Variants in NEO1 observed in about 807,000 individuals in gnomAD.
NEO1 encodes neogenin 1.
A neutral mutation model predicts 159.7 loss-of-function variants in NEO1; 63 were observed. The observed-to-expected ratio is 0.39, with a 90% confidence interval of 0.32 to 0.49. The LOEUF (loss-of-function observed/expected upper bound fraction) is 0.49. Among genes scored for constraint, NEO1 ranks in the 20% least tolerant of loss-of-function variants. The probability of loss-of-function intolerance (pLI) is 0.85; values close to 1 mark genes in which losing one functional copy is unlikely to be tolerated. For missense variants in NEO1, 1,615 were observed against 1,831.0 expected, an observed-to-expected ratio of 0.88 and a Z score of 2.15; for synonymous variants, 633 against 662.0, an observed-to-expected ratio of 0.96 and a Z score of 0.67.
intron 7 of NEO1, among the ~76,000 whole-genome samples, chr15:73,191,903 CT>C (rs2036255840): frequency 6.6e-6 from 1 of 151,972 alleles, no homozygotes; most frequent in African/African-American, 2.4e-5. Context: ...AACAAACATT[CT>C]GTGTATTTGT....
chr15:73,176,918 A>G (rs1790673062), intron 6 of NEO1, among the ~76,000 whole-genome samples: 2 of 152,176 alleles, frequency 1.3e-5, no homozygotes, highest in Non-Finnish European at 2.9e-5. Context: ...CTGTTCAAGA[A>G]GCAGAAATCT....
chr15:73,113,645 G>A (rs1223693753), intron 1 of NEO1, among the ~76,000 whole-genome samples: 2 of 152,108 alleles, frequency 1.3e-5, no homozygotes, highest in Non-Finnish European at 2.9e-5. Flanking sequence ...GCTTTTAGTG[G>A]TTACTGTTTT....
At chr15:73,246,379 T>C (rs1018036336) in intron 9 of NEO1, among the ~76,000 whole-genome samples, 17 of 152,192 alleles carry the variant, frequency 1.1e-4, no homozygotes, top group Admixed American at 6.5e-4. Flanking sequence ...ACAGGCAGAA[T>C]GTTGAATTTT....
At chr15:73,294,004 A>C (rs548413300) in intron 26 of NEO1, among the ~76,000 whole-genome samples, 2 of 152,310 alleles carry the variant, frequency 1.3e-5, no homozygotes, top group Non-Finnish European at 2.9e-5. Flanking sequence ...AACAACATCC[A>C]AGGAGCAGTG....
At chr15:73,208,279 A>AAGTGACATGTCAG (rs2037349081) in intron 7 of NEO1, among the ~76,000 whole-genome samples, 1 of 152,206 alleles carries the variant, frequency 6.6e-6, no homozygotes. Context: ...CATTTCAAAT[A>AAGTGACATGTCAG]AGTGACATGT....
At chr15:73,244,632 G>A in intron 9 of NEO1, 134 bp downstream of exon 9, 2 of 947,400 alleles carry the variant, frequency 2.1e-6, no homozygotes, top group Non-Finnish European at 3.0e-6. Flanking sequence ...TCAATTAGGG[G>A]AGGCAAAATT....
At chr15:73,057,173 C>G (rs1418136564) in intron 1 of NEO1, among the ~76,000 whole-genome samples, 2 of 152,036 alleles carry the variant, frequency 1.3e-5, no homozygotes, top group Non-Finnish European at 1.5e-5. Flanking sequence ...AGTACTGTAC[C>G]TATGTAGAAT....
intron 2 of NEO1, among the ~76,000 whole-genome samples, chr15:73,117,792 C>T (rs905374579): frequency 1.3e-5 from 2 of 152,094 alleles, no homozygotes; most frequent in Non-Finnish European, 2.9e-5. Context: ...ATTCCATAAT[C>T]ATAGATTGAG....
chr15:73,060,723 C>T (rs1370016620), intron 1 of NEO1, among the ~76,000 whole-genome samples: 1 of 152,008 alleles, frequency 6.6e-6, no homozygotes, highest in African/African-American at 2.4e-5. Flanking sequence ...TCACAGCTTA[C>T]TGCAGCCTCA....
In NEO1 at chr15:73,274,787, T is replaced by G. The variant is rs1038747485; in HGVS notation, c.3193+63T>G. ...TTTGTGACCTATTATTAGCTTTTGGTTTTTGTTTCTTTTTTTTTTTTTTTT... is the reference window on the plus strand; with the variant it reads ...TTTGTGACCTATTATTAGCTTTTGGGTTTTGTTTCTTTTTTTTTTTTTTTT... On this transcript the variant is annotated intron_variant, in intron 21 of 28. Transcript: ENST00000261908. 4 of 1,480,504 alleles carry G rather than the reference T, an allele frequency of 2.7e-6. No individual in the cohort carries two copies. In the African/African-American group the frequency reaches 5.7e-5, roughly 21 times the overall value. 91.7% of individuals were successfully genotyped at this position (1,480,504 alleles called of 1,614,324 possible). A position where few individuals can be genotyped will look rare whatever the true frequency, so the allele number is the denominator to read the frequency against.
chr15:73,173,320 C>T (rs1157191992), intron 5 of NEO1, among the ~76,000 whole-genome samples: 1 of 152,046 alleles, frequency 6.6e-6, no homozygotes, highest in African/African-American at 2.4e-5. Context: ...ATTTGTTCCA[C>T]CATATATTAT....
rs747030708 is a variant in NEO1 at position 73,253,373 on chromosome 15, A to ATT, written c.1895-12_1895-11dup. 3,098 of 1,148,220 alleles carry ATT rather than the reference A, an allele frequency of 2.7e-3. 25 individuals carry two copies. In the African/African-American group the frequency reaches 0.031, roughly 11 times the overall value. 71.1% of individuals were successfully genotyped at this position (1,148,220 alleles called of 1,614,324 possible). A position where few individuals can be genotyped will look rare whatever the true frequency, so the allele number is the denominator to read the frequency against. ...TGATGTATGGGTGATTAAAAAAAAAATTTTTTTTTTTTTTTTGTTTCTCTA... is the reference window on the plus strand; with the variant it reads ...TGATGTATGGGTGATTAAAAAAAAAATTTTTTTTTTTTTTTTTTGTTTCTCTA... On this transcript the variant is annotated intron_variant, in intron 11 of 28. Transcript: ENST00000261908.
chr15:73,104,515 A>G (rs1434542392), intron 1 of NEO1, among the ~76,000 whole-genome samples: 1 of 152,198 alleles, frequency 6.6e-6, no homozygotes, highest in Non-Finnish European at 1.5e-5. Context: ...TTATTAAGAA[A>G]GGATATGTTT....
intron 1 of NEO1, among the ~76,000 whole-genome samples, chr15:73,071,530 G>GTTTT (rs2151317091): frequency 6.6e-6 from 1 of 151,830 alleles, no homozygotes; most frequent in East Asian, 2.0e-4. Context: ...TTGTTTGTTT[G>GTTTT]TTTGTTTGTT....
In NEO1 at chr15:73,241,460, A is replaced by G. The variant is rs555980404; in HGVS notation, c.1452-2884A>G. 1.2e-3 allele frequency among the ~76,000 whole-genome samples: 181 copies of G among 152,280 alleles called. 1 individual carries two copies. The highest frequency in any genetic ancestry group is 4.1e-3 in the African/African-American group (169 of 41,538). On this transcript the variant is annotated intron_variant, in intron 8 of 28. Transcript: ENST00000261908. ...CCTCCATTTTGCCTCTTGGCCTATA[A>G]ATATTTACTACCAGGCCCTTTAAGA...
rs1328929186 is a variant in NEO1 at position 73,052,770 on chromosome 15, C to G, written c.95C>G (p.Ala32Gly). ...CTCGGGCGCCGGGCGCCGGGCGCCG[C>G]GGCCGCCAGGAGCGGCTCCGCGCCG... ...LLLGRRAPGA[A>G]AARSGSAPQS... The change falls in exon 1 of 29, where the codon GCG becomes GGG. Residue 32 changes from alanine (A) to glycine (G), a missense_variant. Coordinates refer to ENST00000261908, the MANE Select transcript of NEO1 (RefSeq NM_002499.4). The G allele has an allele frequency of 2.4e-6, 3 of 1,241,006 alleles. No individual in the cohort carries two copies. Among genetic ancestry groups the G allele is most frequent in the African/African-American group, 1.6e-5 (1 of 62,118 alleles). 76.9% of individuals were successfully genotyped at this position (1,241,006 alleles called of 1,614,324 possible). A position where few individuals can be genotyped will look rare whatever the true frequency, so the allele number is the denominator to read the frequency against.
At chr15:73,172,340 A>G (rs1567381323) in intron 5 of NEO1, among the ~76,000 whole-genome samples, 1 of 152,214 alleles carries the variant, frequency 6.6e-6, no homozygotes, top group African/African-American at 2.4e-5. Flanking sequence ...AAATAATATA[A>G]TATTAACTGC....
chr15:73,157,801 T>C (rs1417216577), intron 5 of NEO1, among the ~76,000 whole-genome samples: 2 of 152,250 alleles, frequency 1.3e-5, no homozygotes, highest in South Asian at 2.1e-4. Context: ...TCTGAAGTTC[T>C]GTAGATCTTA....
chr15:73,253,860 G>C (rs2040206201), intron 12 of NEO1, among the ~76,000 whole-genome samples: 1 of 152,208 alleles, frequency 6.6e-6, no homozygotes, highest in Non-Finnish European at 1.5e-5. Context: ...CCTTAGTGCT[G>C]TGAGATGAGC....
Sources: gnomAD v4.1 joint callset for allele counts (sites outside exome capture counted in the v4.1 genomes callset) on GRCh38, gnomAD v4.1.1 for gene constraint, MANE v1.5 for transcripts, NCBI Gene and HGNC (gene_info 2026-07-23, HGNC 2026-07-21) for gene names.